Variants in MYO5B observed in about 807,000 individuals in gnomAD.
MYO5B encodes unconventional myosin-Vb.
MYO5B carries 143 observed loss-of-function variants against 229.3 expected under a neutral mutation model. The observed-to-expected ratio is 0.62, with a 90% CI of 0.54 to 0.72. MYO5B has a LOEUF of 0.72. Among genes scored for constraint, MYO5B ranks in the 30% least tolerant of loss-of-function variants. The pLI is 0.00. For missense variants in MYO5B, 2,321 were observed against 2,331.0 expected, an observed-to-expected ratio of 1.00 and a Z score of 0.09; for synonymous variants, 918 against 885.2, an observed-to-expected ratio of 1.04 and a Z score of -0.66.
At chr18:49,981,765 T>G (rs2025817463) in intron 8 of MYO5B, among the ~76,000 whole-genome samples, 1 of 152,202 alleles carries the variant, frequency 6.6e-6, no homozygotes, top group African/African-American at 2.4e-5. Flanking sequence ...TATGCATTAT[T>G]TGAATACGTG....
chr18:49,872,264 G>A (rs1188768553), intron 26 of MYO5B, 32 bp from the exon 27 acceptor site: 1 of 1,608,262 alleles, frequency 6.2e-7, no homozygotes. Context: ...GATAAGTGCA[G>A]ACCTCGAGCA....
At chr18:49,874,190 G>A (rs9958667) in intron 26 of MYO5B, among the ~76,000 whole-genome samples, 36,597 of 152,104 alleles carry the variant, frequency 0.24, 4,544 homozygotes, top group East Asian at 0.42. Context: ...CTATGGCCCA[G>A]GCCTAGAGTT....
intron 1 of MYO5B, among the ~76,000 whole-genome samples, chr18:50,139,733 G>C (rs912306214): frequency 6.6e-6 from 1 of 152,114 alleles, no homozygotes; most frequent in Non-Finnish European, 1.5e-5. Context: ...CACATGTCCC[G>C]AGAAGATGCA....
intron 18 of MYO5B, among the ~76,000 whole-genome samples, chr18:49,909,628 G>A (rs1217048772): frequency 6.6e-6 from 1 of 152,224 alleles, no homozygotes; most frequent in Non-Finnish European, 1.5e-5. Flanking sequence ...TCATTTATGT[G>A]TTCACAGTCT....
intron 32 of MYO5B, among the ~76,000 whole-genome samples, chr18:49,849,016 C>A (rs1199196982): frequency 6.6e-6 from 1 of 151,786 alleles, no homozygotes; most frequent in African/African-American, 2.4e-5. Context: ...GGTATCCAAG[C>A]AGTGAGGGGC....
chr18:50,076,928 C>CAA (rs35236740), intron 1 of MYO5B, among the ~76,000 whole-genome samples: 2 of 148,750 alleles, frequency 1.3e-5, no homozygotes, highest in African/African-American at 2.5e-5. Context: ...ACTGATGTTG[C>CAA]AAAAAAAAAA....
At chr18:49,941,633 T>C (rs1326832842) in intron 14 of MYO5B, among the ~76,000 whole-genome samples, 1 of 152,164 alleles carries the variant, frequency 6.6e-6, no homozygotes, top group East Asian at 1.9e-4. Context: ...ATTCTGTTCC[T>C]ATTCTCAGCT....
At chr18:50,044,434 G>A (rs1441452117) in intron 2 of MYO5B, among the ~76,000 whole-genome samples, 1 of 152,116 alleles carries the variant, frequency 6.6e-6, no homozygotes, top group Non-Finnish European at 1.5e-5. Flanking sequence ...CTTTAGAGGT[G>A]AAAAGGAGGC....
At chr18:49,996,917 G>C (rs781761246) in intron 5 of MYO5B, among the ~76,000 whole-genome samples, 3 of 152,210 alleles carry the variant, frequency 2.0e-5, no homozygotes, top group Non-Finnish European at 2.9e-5. Flanking sequence ...AGATTGGTAA[G>C]GTGTACTGGG....
chr18:49,990,387 C>A, intron 7 of MYO5B, 52 bp downstream of exon 7: 1 of 1,495,932 alleles, frequency 6.7e-7, no homozygotes, highest in South Asian at 1.1e-5. Context: ...AGCTGTGCAC[C>A]CGCTGGAGCA....
In MYO5B at chr18:49,963,383, A is replaced by T. The variant is rs143035692; in HGVS notation, c.1323-353T>A. On this transcript the variant is annotated intron_variant, in intron 10 of 39. Coordinates refer to ENST00000285039, the MANE Select transcript of MYO5B (RefSeq NM_001080467.3). ...TTTTGAAAAAAGTCAGAACTATGTA[A>T]CATTTTACTTATTTAATTTAATTAA... Among the ~76,000 whole-genome samples the T allele has an allele frequency of 3.3e-5, 5 of 151,208 alleles. No individual in the cohort carries two copies. The East Asian group carries it at 9.7e-4, about 29-fold the overall frequency.
intron 1 of MYO5B, among the ~76,000 whole-genome samples, chr18:50,084,910 C>A (rs889874947): frequency 1.7e-4 from 25 of 151,168 alleles, no homozygotes; most frequent in African/African-American, 5.1e-4. Context: ...TACAAAAATT[C>A]ATTCAAGATG....
At chr18:49,848,781 G>C (rs892299179) in intron 32 of MYO5B, among the ~76,000 whole-genome samples, 1 of 152,084 alleles carries the variant, frequency 6.6e-6, no homozygotes, top group African/African-American at 2.4e-5. Flanking sequence ...ATCCAAAGTT[G>C]GTGGGCACAT....
At chr18:49,826,944 G>A (rs1395394510) in intron 39 of MYO5B, among the ~76,000 whole-genome samples, 2 of 148,652 alleles carry the variant, frequency 1.3e-5, no homozygotes, top group East Asian at 2.1e-4. Context: ...AGTGGCCAAG[G>A]GCATGGGTTT....
At chr18:50,040,117 G>A (rs1210327321) in intron 3 of MYO5B, 26 bp downstream of exon 3, 1 of 1,613,400 alleles carries the variant, frequency 6.2e-7, no homozygotes, top group Non-Finnish European at 8.5e-7. Context: ...TCCAACGCAT[G>A]CAGCCAACAG....
At chr18:50,165,514 G>A (rs917220125) in intron 1 of MYO5B, among the ~76,000 whole-genome samples, 10 of 152,196 alleles carry the variant, frequency 6.6e-5, no homozygotes, top group East Asian at 5.8e-4. Context: ...AGTGGCTCAC[G>A]CGTGTAATCC....
intron 22 of MYO5B, among the ~76,000 whole-genome samples, chr18:49,887,000 T>G: frequency 6.6e-6 from 1 of 152,136 alleles, no homozygotes; most frequent in Non-Finnish European, 1.5e-5. Flanking sequence ...TTCCTAATGT[T>G]GGAGGTGGGG....
At position 49,954,367 on chromosome 18, in the gene MYO5B, G is replaced by C. The variant is rs2025467883; in HGVS notation, c.1614C>G (p.Phe538Leu). ...CCGTGTTGGACATGCGGGGCTTCTG[G>C]AAGTGCTGGCTGCTGGAGTGCCGGT... is the stretch of plus-strand genomic sequence containing the variant. Reference protein sequence around the residue: ...LYDRHSSSQHFQKPRMSNTAF... With the variant: ...LYDRHSSSQHLQKPRMSNTAF... Residue 538 changes from phenylalanine (F) to leucine (L), a missense_variant, in exon 13 of 40, where the codon TTC becomes TTG. By Grantham distance (22) the Phe-to-Leu change is conservative. Around this residue, in one of 2 missense-constraint regions of MYO5B, gnomAD observed 2,113 missense variants for 2,044.7 expected, o/e 1.03. Coordinates refer to ENST00000285039, the MANE Select transcript of MYO5B (RefSeq NM_001080467.3). 6.2e-7 allele frequency: 1 copy of C among 1,614,086 alleles called. No individual in the cohort carries two copies. Among genetic ancestry groups the C allele is most frequent in the Non-Finnish European group, 8.5e-7 (1 of 1,179,994 alleles).
intron 16 of MYO5B, among the ~76,000 whole-genome samples, chr18:49,934,919 T>G (rs1464448584): frequency 1.3e-5 from 2 of 152,154 alleles, no homozygotes; most frequent in Non-Finnish European, 2.9e-5. Context: ...GAAATTATAC[T>G]AGGCCCGAAA....
Sources: allele counts gnomAD v4.1 joint callset (sites outside exome capture counted in the v4.1 genomes callset), GRCh38; gene constraint gnomAD v4.1.1; regional missense constraint gnomAD v4.1.1; transcripts MANE v1.5; gene names NCBI Gene and HGNC (gene_info 2026-07-23, HGNC 2026-07-21).